Variants in ARHGEF3 observed in about 807,000 individuals in gnomAD.
ARHGEF3 encodes 59.8 kDA protein.
Under a neutral mutation model 63.2 loss-of-function variants are expected in ARHGEF3, and 28 were observed. The ratio of observed to expected loss-of-function variants is 0.44; its 90% confidence interval spans 0.33 to 0.61. ARHGEF3 has a LOEUF of 0.61. Among genes scored for constraint, ARHGEF3 ranks in the 20% least tolerant of loss-of-function variants. ARHGEF3 has a pLI of 0.03. For missense variants in ARHGEF3, 533 were observed against 659.3 expected (o/e 0.81, Z 2.10); for synonymous variants, 266 against 254.2 (o/e 1.05, Z -0.44).
At chr3:56,938,189 G>A (rs1454305557) in intron 3 of ARHGEF3, among the ~76,000 whole-genome samples, 2 of 152,168 alleles carry the variant, frequency 1.3e-5, no homozygotes, top group Admixed American at 1.3e-4. Context: ...TCCTGGAGTT[G>A]TGTTCATTGA....
chr3:56,850,736 TAAAC>T (rs2039648455), intron 4 of ARHGEF3, among the ~76,000 whole-genome samples: 1 of 152,228 alleles, frequency 6.6e-6, no homozygotes, highest in African/African-American at 2.4e-5. Context: ...AGAAGCCAAT[TAAAC>T]ATCCATTCCA....
At chr3:57,031,566 C>G (rs755169768) in intron 2 of ARHGEF3, among the ~76,000 whole-genome samples, 7 of 152,182 alleles carry the variant, frequency 4.6e-5, no homozygotes, top group Non-Finnish European at 7.3e-5. Context: ...ACCTCTCCCC[C>G]ACAGATGCCA....
intron 2 of ARHGEF3, among the ~76,000 whole-genome samples, chr3:57,002,767 T>C (rs1702305964): frequency 6.9e-6 from 1 of 145,560 alleles, no homozygotes; most frequent in Non-Finnish European, 1.5e-5. Context: ...GAAGAAGTTC[T>C]ATTTCTTTTC....
At chr3:56,774,350 A>G (rs1158494937) in intron 1 of ARHGEF3, among the ~76,000 whole-genome samples, 3 of 152,216 alleles carry the variant, frequency 2.0e-5, no homozygotes, top group Admixed American at 2.0e-4. Flanking sequence ...GCTCTTAAGA[A>G]AGCATCTTTG....
intron 3 of ARHGEF3, among the ~76,000 whole-genome samples, chr3:56,905,431 TA>T (rs2041652628): frequency 6.6e-6 from 1 of 152,244 alleles, no homozygotes; most frequent in African/African-American, 2.4e-5. Context: ...TTTTTTTCAG[TA>T]GTTGCAAATT....
chr3:56,881,892 T>C (rs865838278), intron 4 of ARHGEF3, among the ~76,000 whole-genome samples: 14 of 152,258 alleles, frequency 9.2e-5, no homozygotes, highest in Middle Eastern at 3.4e-3. Flanking sequence ...GCTTCTGGAG[T>C]CTTATTCTGG....
At chr3:57,011,259 G>A (rs1466899366) in intron 2 of ARHGEF3, among the ~76,000 whole-genome samples, 1 of 152,200 alleles carries the variant, frequency 6.6e-6, no homozygotes. Context: ...ACATGATGGT[G>A]CTAAGCACAT....
intron 1 of ARHGEF3, among the ~76,000 whole-genome samples, chr3:56,786,050 T>C (rs1184064359): frequency 6.6e-6 from 1 of 152,120 alleles, no homozygotes; most frequent in Non-Finnish European, 1.5e-5. Flanking sequence ...TAGCACAAAT[T>C]ATCCCTTCAA....
exon 3 of ARHGEF3, chr3:56,958,843 T>C (rs1700159483): frequency 1.9e-6 from 3 of 1,551,624 alleles, no homozygotes; most frequent in Non-Finnish European, 2.6e-6. Context: ...TTCCAGGCTT[T>C]AGGAGAGGGA....
intron 1 of ARHGEF3, among the ~76,000 whole-genome samples, chr3:57,048,446 T>C (rs1322331273): frequency 2.0e-5 from 3 of 152,108 alleles, no homozygotes; most frequent in African/African-American, 7.2e-5. Flanking sequence ...GACTACAACT[T>C]CTACAAAAGC....
Position 56,784,407 on chromosome 3 carries a change from C to T in ARHGEF3, c.97-10591G>A, listed in dbSNP as rs574470391. On this transcript the variant is annotated intron_variant, in intron 1 of 9. Transcript: ENST00000296315. ...CTGGTTGGATGATGCCAACAAGGCA[C>T]CCAGAGGTAGAAAAGGTCTCCTGGT... Among the ~76,000 whole-genome samples, 160 of 152,234 alleles carry T rather than the reference C, an allele frequency of 1.1e-3. 2 individuals carry two copies. The South Asian group carries it at 0.022, about 21-fold the overall frequency.
chr3:56,807,307 C>T (rs2037898549), intron 4 of ARHGEF3, among the ~76,000 whole-genome samples: 1 of 152,216 alleles, frequency 6.6e-6, no homozygotes, highest in Non-Finnish European at 1.5e-5. Flanking sequence ...TCTTCTCCAC[C>T]CATTCCTGAA....
chr3:56,945,167 C>G (rs919153603), intron 3 of ARHGEF3, among the ~76,000 whole-genome samples: 3 of 152,094 alleles, frequency 2.0e-5, no homozygotes, highest in African/African-American at 7.2e-5. Context: ...AGGAACAGCT[C>G]CAGTCTACAG....
At position 56,912,315 on chromosome 3, in the gene ARHGEF3, C is replaced by T. The variant is rs77927928; in HGVS notation, c.130-29961G>A. Among the ~76,000 whole-genome samples the T allele has an allele frequency of 4.8e-3, 726 of 152,292 alleles. 1 individual carries two copies. The highest frequency in any genetic ancestry group is 0.017 in the African/African-American group (698 of 41,548). On this transcript the variant is annotated intron_variant, in intron 3 of 12. Coordinates refer to the ARHGEF3 transcript ENST00000338458. ...TCTTACTTAGGCACTAACTGGACCA[C>T]AGCAAACATTCACCAAAATGGGATA...
At chr3:56,906,098 C>T (rs375666967) in intron 3 of ARHGEF3, among the ~76,000 whole-genome samples, 16 of 152,174 alleles carry the variant, frequency 1.1e-4, no homozygotes, top group African/African-American at 2.9e-4. Flanking sequence ...CTCCTGATCT[C>T]GTGCTCTGCC....
chr3:57,035,424 A>G (rs1174025063), intron 1 of ARHGEF3, among the ~76,000 whole-genome samples: 1 of 152,036 alleles, frequency 6.6e-6, no homozygotes, highest in Non-Finnish European at 1.5e-5. Context: ...ATCTCAGCTC[A>G]CTGCAACTTC....
chr3:56,874,855 T>C (rs1197091983), intron 4 of ARHGEF3, among the ~76,000 whole-genome samples: 1 of 152,180 alleles, frequency 6.6e-6, no homozygotes, highest in Non-Finnish European at 1.5e-5. Context: ...TAATTGTTTA[T>C]CTCTCTGGCT....
intron 4 of ARHGEF3, among the ~76,000 whole-genome samples, chr3:56,875,252 C>T (rs540494504): frequency 1.6e-4 from 24 of 152,280 alleles, no homozygotes; most frequent in African/African-American, 5.5e-4. Flanking sequence ...TCTAATGAGT[C>T]TCTCACAGCC....
At chr3:57,074,003 A>C in intron 1 of ARHGEF3, 1 of 1,614,220 alleles carries the variant, frequency 6.2e-7, no homozygotes, top group Non-Finnish European at 8.5e-7. Flanking sequence ...ATCTTCTGGG[A>C]AGACCCTCTT....
Sources: allele counts gnomAD v4.1 joint callset (sites outside exome capture counted in the v4.1 genomes callset), GRCh38; gene constraint gnomAD v4.1.1; transcripts MANE v1.5; gene names NCBI Gene and HGNC (gene_info 2026-07-23, HGNC 2026-07-21).